Variants in ZFYVE28 observed in about 807,000 individuals in gnomAD.
ZFYVE28 encodes the protein lateral signaling target protein 2 homolog.
Under a neutral mutation model 82.1 loss-of-function variants are expected in ZFYVE28, and 40 were observed. The observed-to-expected ratio is 0.49, with a 90% CI of 0.38 to 0.63. The LOEUF (loss-of-function observed/expected upper bound fraction) is 0.63, where lower values mean the gene tolerates loss of function less well. ZFYVE28 is among the 30% of genes least tolerant of loss of function. The pLI is 0.00. For synonymous variants in ZFYVE28, 612 were observed against 546.1 expected (o/e 1.12, Z -1.68); for missense variants, 1,321 against 1,242.1 (o/e 1.06, Z -0.96).
intron 1 of ZFYVE28, among the ~76,000 whole-genome samples, chr4:2,379,385 C>G (rs1228406975): frequency 2.0e-5 from 3 of 152,174 alleles, no homozygotes; most frequent in African/African-American, 7.2e-5. Flanking sequence ...GCCAGGACCT[C>G]AAATTTAAAG....
intron 1 of ZFYVE28, among the ~76,000 whole-genome samples, chr4:2,397,015 C>T (rs549032073): frequency 4.6e-5 from 7 of 152,288 alleles, no homozygotes; most frequent in South Asian, 2.1e-4. Flanking sequence ...GGAAGGACTC[C>T]GGCTCAGGGG....
rs1301886883 is a variant in ZFYVE28, at chr4:2,304,511, T to C, written c.1829A>G (p.Gln610Arg). The C allele has an allele frequency of 1.9e-6, 3 of 1,612,550 alleles. No homozygotes were observed. Among genetic ancestry groups the C allele is most frequent in the Non-Finnish European group, 1.7e-6 (2 of 1,179,552 alleles). The change falls in exon 8 of 13, where the codon CAG becomes CGG. Residue 610 changes from glutamine to arginine, a missense_variant. By Grantham distance (43) the Gln-to-Arg change is conservative. Transcript: ENST00000290974. ...AKASDRAPER[Q>R]EEAPPPSEDA... ...TTCTGAGGGTGGGGGCGCCTCCTCC[T>C]GTCTCTCAGGGGCCCTGTCGCTGGC...
In ZFYVE28 at chr4:2,304,573, G is replaced by C; in HGVS notation, c.1767C>G (p.Gly589=). The C allele has an allele frequency of 6.2e-7, 1 of 1,612,498 alleles. No individual in the cohort carries two copies. The highest frequency in any genetic ancestry group is 2.2e-5 in the East Asian group (1 of 44,862). The change falls in exon 8 of 13, where the codon GGC becomes GGG. Residue 589 remains glycine (G), a synonymous_variant. Transcript: ENST00000290974. ...ERLREKCSPG[G]VIGASYAAGL... is the part of the protein sequence containing the mutation. ...CGGCAGCGTACGAGGCACCAATGAC[G>C]CCTCCCGGGCTGCACTTCTCCCGCA...
At position 2,305,519 on chromosome 4, in the gene ZFYVE28, A is replaced by G. The variant is rs755851920; in HGVS notation, c.821T>C (p.Leu274Pro). 1 of 1,612,988 alleles carries G rather than the reference A, an allele frequency of 6.2e-7. No individual in the cohort carries two copies. Among genetic ancestry groups the G allele is most frequent in the South Asian group, 1.1e-5 (1 of 91,090 alleles). ...LRKIRDLLQT[L>P]TEEELHTLER... ...CAGCGTGTGCAGCTCCTCCTCCGTCAGCGTCTGCAGCAAATCCCTACGAAT... is the reference window on the plus strand; with the variant it reads ...CAGCGTGTGCAGCTCCTCCTCCGTCGGCGTCTGCAGCAAATCCCTACGAAT... Residue 274 changes from leucine (L) to proline (P), a missense_variant, in exon 8 of 13, where the codon CTG (leucine) becomes CCG (proline). Around this residue, in one of 2 missense-constraint regions of ZFYVE28, gnomAD observed 343 missense variants for 408.4 expected, o/e 0.84. Coordinates refer to ENST00000290974, the MANE Select transcript of ZFYVE28 (RefSeq NM_020972.3).
At chr4:2,349,112 T>C (rs1450806598) in intron 2 of ZFYVE28, among the ~76,000 whole-genome samples, 4 of 152,092 alleles carry the variant, frequency 2.6e-5, no homozygotes, top group South Asian at 2.1e-4. Flanking sequence ...TTCAGTGCTA[T>C]AGATAATTAT....
At chr4:2,289,656 G>A (rs954372189) in intron 8 of ZFYVE28, among the ~76,000 whole-genome samples, 6 of 152,218 alleles carry the variant, frequency 3.9e-5, no homozygotes, top group Non-Finnish European at 7.3e-5. Flanking sequence ...GATTACAGGT[G>A]TGAGCCACAG....
chr4:2,337,309 A>G, intron 5 of ZFYVE28, 98 bp downstream of exon 5: 3 of 1,071,458 alleles, frequency 2.8e-6, no homozygotes, highest in Non-Finnish European at 4.0e-6. Context: ...CTCCCGAGAC[A>G]CAGCAGGTTC....
intron 1 of ZFYVE28, among the ~76,000 whole-genome samples, chr4:2,364,046 G>A (rs1726522013): frequency 6.6e-6 from 1 of 152,220 alleles, no homozygotes; most frequent in Admixed American, 6.5e-5. Context: ...CACCACCGAT[G>A]TTGGTGCCAC....
intron 1 of ZFYVE28, among the ~76,000 whole-genome samples, chr4:2,368,147 G>A (rs1317411014): frequency 1.4e-5 from 2 of 145,280 alleles, no homozygotes; most frequent in Non-Finnish European, 3.0e-5. Context: ...GGAGGCTGAG[G>A]TGGGAGGAGC....
chr4:2,346,628 G>C (rs1723640885), intron 2 of ZFYVE28, among the ~76,000 whole-genome samples: 1 of 152,138 alleles, frequency 6.6e-6, no homozygotes, highest in South Asian at 2.1e-4. Context: ...AAATGGAAGT[G>C]AATTATTGGA....
chr4:2,283,253 C>A (rs1266536386), intron 8 of ZFYVE28, among the ~76,000 whole-genome samples: 1 of 151,354 alleles, frequency 6.6e-6, no homozygotes, highest in South Asian at 2.1e-4. Context: ...TCTATCCACC[C>A]ATGTACCCAC....
At chr4:2,299,456 T>C (rs566668555) in intron 8 of ZFYVE28, among the ~76,000 whole-genome samples, 12 of 149,818 alleles carry the variant, frequency 8.0e-5, no homozygotes, top group Admixed American at 7.4e-4. Context: ...GGACCAATTC[T>C]AAAGAAATAA....
intron 4 of ZFYVE28, among the ~76,000 whole-genome samples, chr4:2,337,845 T>G (rs1326644575): frequency 6.6e-6 from 1 of 150,840 alleles, no homozygotes; most frequent in African/African-American, 2.5e-5. Flanking sequence ...CATTCCAGGC[T>G]GGGTGACAAA....
intron 10 of ZFYVE28, 88 bp downstream of exon 10, chr4:2,273,085 A>C (rs2108797764): frequency 2.7e-6 from 3 of 1,099,012 alleles, no homozygotes; most frequent in Middle Eastern, 2.9e-4. Context: ...CCAGGGCCAG[A>C]AGGTGTGGAT....
At chr4:2,367,098 T>C (rs2239724) in intron 1 of ZFYVE28, among the ~76,000 whole-genome samples, 101,684 of 152,078 alleles carry the variant, frequency 0.67, 34,326 homozygotes, top group East Asian at 0.8. Context: ...AAGAAACGAA[T>C]GAACTGCACA....
At position 2,271,483 on chromosome 4, in the gene ZFYVE28, C is replaced by T. The variant is rs73797553; in HGVS notation, c.2429-69G>A. On this transcript the variant is annotated intron_variant, in intron 11 of 12. Transcript: ENST00000290974. ...GGTGGGCTGGGCCGGGACCCTCAACCTACCCTGGGCCCTCCTTTCCAGACT... is the reference window on the plus strand; with the variant it reads ...GGTGGGCTGGGCCGGGACCCTCAACTTACCCTGGGCCCTCCTTTCCAGACT... 14 of 1,529,988 alleles carry T rather than the reference C, an allele frequency of 9.2e-6. No individual in the cohort carries two copies. The East Asian group carries it at 3.2e-4, about 35-fold the overall frequency. The allele number at this position is 1,529,988 out of a possible 1,614,324, so 94.8% of individuals were successfully genotyped here. A position where few individuals can be genotyped will look rare whatever the true frequency, so the allele number is the denominator to read the frequency against.
At chr4:2,400,842 C>A (rs1731096936) in intron 1 of ZFYVE28, among the ~76,000 whole-genome samples, 1 of 152,130 alleles carries the variant, frequency 6.6e-6, no homozygotes, top group African/African-American at 2.4e-5. Flanking sequence ...TTTCCCAGCC[C>A]ACTAACTCAA....
intron 5 of ZFYVE28, 107 bp downstream of exon 5, chr4:2,337,300 T>A (rs1270918495): frequency 1.0e-6 from 1 of 965,260 alleles, no homozygotes. Flanking sequence ...TCTGGGGCAC[T>A]CCCGAGACAC....
intron 6 of ZFYVE28, among the ~76,000 whole-genome samples, chr4:2,329,603 A>G (rs1720369322): frequency 6.6e-6 from 1 of 152,226 alleles, no homozygotes; most frequent in Non-Finnish European, 1.5e-5. Context: ...AAAATGGCCA[A>G]TTTTGTTATG....
Sources: allele counts gnomAD v4.1 joint callset (sites outside exome capture counted in the v4.1 genomes callset), GRCh38; gene constraint gnomAD v4.1.1; regional missense constraint gnomAD v4.1.1; transcripts MANE v1.5; gene names NCBI Gene and HGNC (gene_info 2026-07-23, HGNC 2026-07-21).